RAPGEF5: variants seen among roughly 807,000 people sequenced by gnomAD.
RAPGEF5 encodes Rap guanine nucleotide exchange factor 5, also known as M-Ras-regulated GEF.
RAPGEF5 carries 65 observed loss-of-function variants against 125.2 expected under a neutral mutation model. The ratio of observed to expected loss-of-function variants is 0.52; its 90% CI spans 0.43 to 0.64. The LOEUF is 0.64. Ranked by LOEUF, RAPGEF5 falls within the 30% of genes least tolerant of loss-of-function variation. RAPGEF5 has a pLI of 0.00. For synonymous variants in RAPGEF5, 391 were observed against 385.9 expected, an observed-to-expected ratio of 1.01 and a Z score of -0.16; for missense variants, 958 against 1,048.1, an observed-to-expected ratio of 0.91 and a Z score of 1.19.
At position 22,211,291 on chromosome 7, in the gene RAPGEF5, A is replaced by G. The variant is rs147056709; in HGVS notation, c.996+8575T>C. 1.3e-3 allele frequency among the ~76,000 whole-genome samples: 198 copies of G among 152,322 alleles called. 2 individuals are homozygous for G. Among genetic ancestry groups the G allele is most frequent in the Non-Finnish European group, 1.0e-4 (7 of 68,032 alleles). ...ATATGAATGACTCAGAAATCACCAA[A>G]CTTTGGCTGAATCAATATGAGGCAA... On this transcript the variant is annotated intron_variant, in intron 9 of 25. Coordinates refer to ENST00000665637, the MANE Select transcript of RAPGEF5 (RefSeq NM_012294.5).
Position 22,146,950 on chromosome 7 carries a change from G to T in RAPGEF5, c.1954C>A (p.Leu652Ile). Residue 652 changes from leucine to isoleucine, a missense_variant, in exon 19 of 26, where the codon CTT (leucine) becomes ATT (isoleucine). By Grantham distance (5) the Leu-to-Ile change is conservative. Transcript: ENST00000665637. Reference sequence around the variant, plus strand: ...TCAAAATTCATTAATTCCAGAGCAAGATCCCAAGTGTTCATTCCCAAAATC... The same window carrying T: ...TCAAAATTCATTAATTCCAGAGCAATATCCCAAGTGTTCATTCCCAAAATC... ...MRILGMNTWD[L>I]ALELMNFDWS... 1 of 1,613,728 alleles carries T rather than the reference G, an allele frequency of 6.2e-7. No homozygotes were observed. The highest frequency in any genetic ancestry group is 8.5e-7 in the Non-Finnish European group (1 of 1,179,760).
intron 21 of RAPGEF5, 92 bp downstream of exon 21, chr7:22,139,933 T>C: frequency 8.7e-7 from 1 of 1,144,482 alleles, no homozygotes; most frequent in Non-Finnish European, 1.3e-6. Context: ...CTTTCAAACA[T>C]TTTTAGTTTA....
intron 8 of RAPGEF5, among the ~76,000 whole-genome samples, chr7:22,229,554 C>T (rs979393945): frequency 2.0e-5 from 3 of 152,216 alleles, no homozygotes; most frequent in Non-Finnish European, 2.9e-5. Context: ...TACACACATA[C>T]GTACATACCA....
rs147243512 is a variant in RAPGEF5, at chr7:22,335,903, G to A, written c.232-17866C>T. Among the ~76,000 whole-genome samples, 233 of 152,270 alleles carry A rather than the reference G, an allele frequency of 1.5e-3. 1 individual carries two copies. Among genetic ancestry groups the A allele is most frequent in the African/African-American group, 5.3e-3 (219 of 41,540 alleles). On this transcript the variant is annotated intron_variant, in intron 1 of 25. Transcript: ENST00000665637. ...AAATAAGAATATTGGGAATCTAAGA[G>A]ACTTTCTGTATAGAAAAGACAACCT...
At chr7:22,332,217 G>A (rs963214827) in intron 1 of RAPGEF5, among the ~76,000 whole-genome samples, 2 of 152,148 alleles carry the variant, frequency 1.3e-5, no homozygotes, top group Non-Finnish European at 2.9e-5. Context: ...AAAGCCTCCC[G>A]GTTGAAGGTT....
intron 5 of RAPGEF5, among the ~76,000 whole-genome samples, chr7:22,305,485 C>T (rs1783315637): frequency 6.6e-6 from 1 of 152,028 alleles, no homozygotes; most frequent in Non-Finnish European, 1.5e-5. Context: ...TACAGGCATG[C>T]AGTGTGAAAT....
At chr7:22,237,959 G>A (rs1226879061) in intron 7 of RAPGEF5, among the ~76,000 whole-genome samples, 1 of 152,192 alleles carries the variant, frequency 6.6e-6, no homozygotes, top group African/African-American at 2.4e-5. Flanking sequence ...AAGGCATCCA[G>A]GAAAATGCGG....
chr7:22,252,196 G>A (rs1460500972), intron 7 of RAPGEF5, among the ~76,000 whole-genome samples: 2 of 152,150 alleles, frequency 1.3e-5, no homozygotes, highest in Non-Finnish European at 2.9e-5. Context: ...GAAGAAGTAG[G>A]ACTCTGAAGA....
intron 9 of RAPGEF5, among the ~76,000 whole-genome samples, chr7:22,197,895 G>GGGGT (rs1554327476): frequency 1.5e-5 from 2 of 129,434 alleles, no homozygotes; most frequent in African/African-American, 5.2e-5. Context: ...TTTTTTTTTG[G>GGGGT]GGGGGGGTGG....
rs775949518 is a variant in RAPGEF5, at chr7:22,150,514, A to G, written c.1787-10T>C. The G allele has an allele frequency of 7.7e-5, 7 of 90,432 alleles. No individual in the cohort carries two copies. In the Middle Eastern group the frequency reaches 0.016, roughly 205 times the overall value. The allele number at this position is 90,432 out of a possible 1,614,324, so 5.6% of individuals were successfully genotyped here. A position where few individuals can be genotyped will look rare whatever the true frequency, so the allele number is the denominator to read the frequency against. On this transcript the variant is annotated splice_polypyrimidine_tract_variant and intron_variant, in intron 17 of 25. Transcript: ENST00000665637. ...TGAAGTTCATGCTTTTCTTTATTTG[A>G]AAAAAAAAAAAAAAAAAGGAATAAT... is the stretch of plus-strand genomic sequence containing the variant.
intron 11 of RAPGEF5, among the ~76,000 whole-genome samples, chr7:22,175,486 T>C (rs1784475037): frequency 6.6e-6 from 1 of 152,180 alleles, no homozygotes; most frequent in African/African-American, 2.4e-5. Context: ...ATCAATACAA[T>C]TATCATTTTA....
intron 1 of RAPGEF5, among the ~76,000 whole-genome samples, chr7:22,343,012 T>G (rs946135765): frequency 1.3e-5 from 2 of 152,182 alleles, no homozygotes; most frequent in African/African-American, 4.8e-5. Flanking sequence ...CAATTTACTG[T>G]ATTAGTCCGT....
In RAPGEF5 at chr7:22,186,602, T is replaced by C. The variant is rs77390208; in HGVS notation, c.1204+6765A>G. On this transcript the variant is annotated intron_variant, in intron 11 of 25. Transcript: ENST00000665637. ...TAAGGAGTTTTGTGTCTATTTTGTA[T>C]CCCTGGCATTTAGAACAGTGCCTAT... Among the ~76,000 whole-genome samples the C allele has an allele frequency of 7.7e-3, 1,178 of 152,318 alleles. 20 individuals carry two copies. The highest frequency in any genetic ancestry group is 0.027 in the African/African-American group (1,134 of 41,564).
At position 22,122,487 on chromosome 7, in the gene RAPGEF5, C is replaced by T; in HGVS notation, c.2571G>A (p.Lys857=). Residue 857 remains lysine, a synonymous_variant, in exon 26 of 26, where the codon AAG becomes AAA. Coordinates refer to ENST00000665637, the MANE Select transcript of RAPGEF5 (RefSeq NM_012294.5). ...DLSPKEHQEL[K]SYVNHLYVID... ...TGACATACAGGTGATTAACATAGGA[C>T]TTTAACTCTTGATGCTCTTTTGGAG... 6.2e-7 allele frequency: 1 copy of T among 1,613,826 alleles called. No individual in the cohort carries two copies. The highest frequency in any genetic ancestry group is 8.5e-7 in the Non-Finnish European group (1 of 1,179,816).
chr7:22,251,442 A>G (rs753900016), intron 7 of RAPGEF5, among the ~76,000 whole-genome samples: 4 of 152,180 alleles, frequency 2.6e-5, no homozygotes, highest in Non-Finnish European at 5.9e-5. Flanking sequence ...GGTGGCATGT[A>G]TCACAGATTC....
At chr7:22,200,780 A>T (rs1055673321) in intron 9 of RAPGEF5, among the ~76,000 whole-genome samples, 7 of 152,154 alleles carry the variant, frequency 4.6e-5, no homozygotes, top group Non-Finnish European at 8.8e-5. Flanking sequence ...TTGTCTAATA[A>T]CCCTAAAACC....
rs368164128 is a variant in RAPGEF5 at position 22,185,859 on chromosome 7, A to AT, written c.1204+7507dup. ...GCATGTATGCAAACAAATTAATCTAATTTTTTTTTTTTTGAGATAGAGTCT... is the reference window on the plus strand; with the variant it reads ...GCATGTATGCAAACAAATTAATCTAATTTTTTTTTTTTTTGAGATAGAGTCT... On this transcript the variant is annotated intron_variant, in intron 11 of 25. Transcript: ENST00000665637. Among the ~76,000 whole-genome samples, 1,001 of 145,706 alleles carry AT rather than the reference A, an allele frequency of 6.9e-3. 14 individuals are homozygous for AT. The highest frequency in any genetic ancestry group is 0.021 in the African/African-American group (824 of 39,942).
At chr7:22,236,904 T>C (rs1007805101) in intron 7 of RAPGEF5, among the ~76,000 whole-genome samples, 2 of 152,214 alleles carry the variant, frequency 1.3e-5, no homozygotes, top group African/African-American at 4.8e-5. Flanking sequence ...CTGATACCTG[T>C]GATCCCCACT....
At chr7:22,163,296 G>A (rs1013746811) in intron 12 of RAPGEF5, among the ~76,000 whole-genome samples, 1 of 152,092 alleles carries the variant, frequency 6.6e-6, no homozygotes, top group Non-Finnish European at 1.5e-5. Context: ...CTCAGCAACT[G>A]AGAACAGTTG....
Sources: gnomAD v4.1 joint callset for allele counts (sites outside exome capture counted in the v4.1 genomes callset) on GRCh38, gnomAD v4.1.1 for gene constraint, MANE v1.5 for transcripts, NCBI Gene and HGNC (gene_info 2026-07-23, HGNC 2026-07-21) for gene names.